Variants in ANKRD36C observed in about 807,000 individuals in gnomAD.
ANKRD36C encodes the protein ankyrin repeat domain-containing protein 36C.
A neutral mutation model predicts 276.4 loss-of-function variants in ANKRD36C; 61 were observed. That is an observed-to-expected ratio of 0.22 (90% CI 0.18 to 0.27). The LOEUF is 0.27. Ranked by LOEUF, ANKRD36C falls within the 10% of genes least tolerant of loss-of-function variation. The pLI is 1.00. For missense variants in ANKRD36C, 1,447 were observed against 2,032.3 expected, an observed-to-expected ratio of 0.71 and a Z score of 5.54; for synonymous variants, 483 against 680.1, an observed-to-expected ratio of 0.71 and a Z score of 4.51.
intron 42 of ANKRD36C, chr2:95,910,382 A>T (rs1558635520): frequency 3.9e-6 from 6 of 1,541,134 alleles, no homozygotes; most frequent in Non-Finnish European, 4.4e-6. Context: ...CCTGTCCTAG[A>T]TTTTTCTCCA....
At chr2:95,980,500 C>T in intron 5 of ANKRD36C, 148 bp downstream of exon 5, 1 of 1,152,146 alleles carries the variant, frequency 8.7e-7, no homozygotes, top group Admixed American at 3.0e-5. Flanking sequence ...AGTTGCACAA[C>T]TCTCGAAAAC....
chr2:95,943,542 T>A (rs1191164172), intron 19 of ANKRD36C, among the ~76,000 whole-genome samples: 3 of 150,738 alleles, frequency 2.0e-5, no homozygotes, highest in Non-Finnish European at 4.4e-5. Context: ...TAAATTAATT[T>A]TTATTATTTT....
At chr2:95,855,300 T>C (rs749607112) in exon 63 of ANKRD36C, 2 of 1,603,048 alleles carry the variant, frequency 1.2e-6, no homozygotes, top group African/African-American at 2.7e-5. Flanking sequence ...ATATTGGCAT[T>C]TTTTTTCTTT....
At chr2:95,962,195 A>G (rs1678477711) in intron 8 of ANKRD36C, among the ~76,000 whole-genome samples, 157 bp downstream of exon 8, 2 of 152,088 alleles carry the variant, frequency 1.3e-5, no homozygotes, top group South Asian at 4.1e-4. Flanking sequence ...AAGGACCAGT[A>G]GCATCGGCGT....
At chr2:95,855,786 A>T (rs1382781374) in exon 63 of ANKRD36C, 1 of 1,613,826 alleles carries the variant, frequency 6.2e-7, no homozygotes, top group African/African-American at 1.3e-5. Context: ...TGTGCCCTGG[A>T]AAGCAAGCTC....
chr2:95,945,794 G>A (rs1315709495), intron 17 of ANKRD36C, among the ~76,000 whole-genome samples: 2 of 152,290 alleles, frequency 1.3e-5, no homozygotes, highest in Non-Finnish European at 2.9e-5. Context: ...CTGTAACTAA[G>A]TATCCTGACA....
At chr2:95,912,611 A>C (rs1676966764) in intron 40 of ANKRD36C, among the ~76,000 whole-genome samples, 176 bp from the exon 43 acceptor site, 1 of 151,400 alleles carries the variant, frequency 6.6e-6, no homozygotes, top group East Asian at 2.0e-4. Context: ...AAAAAAGGGA[A>C]CACAGGCTCC....
exon 49 of ANKRD36C, chr2:95,888,111 T>C: frequency 2.5e-6 from 4 of 1,609,104 alleles, no homozygotes; most frequent in Non-Finnish European, 3.4e-6. Context: ...TGGTTGTTTC[T>C]GAGAAGACAC....
At position 95,919,953 on chromosome 2, in the gene ANKRD36C, A is replaced by G. The variant is rs1471444064; in HGVS notation, c.2245+1654T>C. 1.6e-4 allele frequency: 247 copies of G among 1,532,462 alleles called. 27 individuals carry two copies. The highest frequency in any genetic ancestry group is 1.4e-3 in the African/African-American group (96 of 70,226). 94.9% of individuals were successfully genotyped at this position (1,532,462 alleles called of 1,614,324 possible). A position where few individuals can be genotyped will look rare whatever the true frequency, so the allele number is the denominator to read the frequency against. ...GCAAAAGGGATACATAATCACTCATATATAAATATGATAAAGTTATCCATA... is the reference window on the plus strand; with the variant it reads ...GCAAAAGGGATACATAATCACTCATGTATAAATATGATAAAGTTATCCATA... On this transcript the variant is annotated intron_variant, in intron 34 of 66. Coordinates refer to ENST00000456556, the Ensembl canonical transcript of ANKRD36C.
intron 12 of ANKRD36C, 70 bp from the exon 13 acceptor site, chr2:95,956,886 G>A (rs1426874061): frequency 7.2e-7 from 1 of 1,394,432 alleles, no homozygotes; most frequent in African/African-American, 1.4e-5. Context: ...AAACATAAAA[G>A]AGCACAGTGA....
chr2:95,887,960 G>A, exon 50 of ANKRD36C: 3 of 1,599,050 alleles, frequency 1.9e-6, no homozygotes, highest in Non-Finnish European at 2.6e-6. Flanking sequence ...TATTTCTGTG[G>A]GTATATTCGA....
chr2:95,882,236 T>C lies in ANKRD36C; in HGVS notation c.3367+66A>G, dbSNP rs917371474. 9 of 1,531,108 alleles carry C rather than the reference T, an allele frequency of 5.9e-6. No homozygotes were observed. In the African/African-American group the frequency reaches 9.6e-5, roughly 16 times the overall value. 94.8% of individuals were successfully genotyped at this position (1,531,108 alleles called of 1,614,324 possible). A position where few individuals can be genotyped will look rare whatever the true frequency, so the allele number is the denominator to read the frequency against. On this transcript the variant is annotated intron_variant, in intron 56 of 66. Coordinates refer to ENST00000456556, the Ensembl canonical transcript of ANKRD36C. ...TTTCAATGAGCCCCCTGCTGATCTATTCAGGGGTGGGACATTGTCTTCTAT... is the reference window on the plus strand; with the variant it reads ...TTTCAATGAGCCCCCTGCTGATCTACTCAGGGGTGGGACATTGTCTTCTAT...
intron 54 of ANKRD36C, 79 bp from the exon 75 acceptor site, chr2:95,882,576 C>T: frequency 6.6e-7 from 1 of 1,517,416 alleles, no homozygotes; most frequent in East Asian, 2.5e-5. Context: ...GTGTTAGCAT[C>T]AAGCTGTATC....
At position 95,897,500 on chromosome 2, in the gene ANKRD36C, G is replaced by A. The variant is rs1676588864; in HGVS notation, c.2755+1645C>T. On this transcript the variant is annotated intron_variant, in intron 44 of 66. Coordinates refer to ENST00000456556, the Ensembl canonical transcript of ANKRD36C. The stretch of plus-strand genomic sequence containing the variant: ...AAAAGGGATTCATAATCACTCATAT[G>A]TAAAAATGACAAAATTATCCACATA... 3.3e-6 allele frequency: 5 copies of A among 1,520,452 alleles called. No homozygotes were observed. The African/African-American group carries it at 4.2e-5, about 13-fold the overall frequency. The allele number at this position is 1,520,452 out of a possible 1,614,324, so 94.2% of individuals were successfully genotyped here.
chr2:95,849,120 C>T (rs1675233566), downstream of ANKRD36C, among the ~76,000 whole-genome samples: 1 of 152,028 alleles, frequency 6.6e-6, no homozygotes, highest in Non-Finnish European at 1.5e-5. Flanking sequence ...AGTGCAGTGG[C>T]ATGATCTTGG....
At position 95,852,112 on chromosome 2, in the gene ANKRD36C, G is replaced by C. The variant is rs149229188; in HGVS notation, c.5219+14C>G. 3.7e-6 allele frequency: 6 copies of C among 1,603,456 alleles called. No homozygotes were observed. The highest frequency in any genetic ancestry group is 5.1e-6 in the Non-Finnish European group (6 of 1,173,216). ...AAATACTCAAGTTATTTTGTGTGCT[G>C]CTTCAAATTTTACTTTTGTGCGTCG... On this transcript the variant is annotated intron_variant, in intron 65 of 66. Coordinates refer to ENST00000456556, the Ensembl canonical transcript of ANKRD36C.
At chr2:95,861,033 G>C (rs1183975321) in intron 60 of ANKRD36C, among the ~76,000 whole-genome samples, 1 of 152,096 alleles carries the variant, frequency 6.6e-6, no homozygotes. Context: ...CCATGAGCCA[G>C]GCCAAAATAC....
exon 32 of ANKRD36C, chr2:95,923,542 G>A (rs369682533): frequency 3.7e-6 from 6 of 1,610,840 alleles, no homozygotes; most frequent in African/African-American, 1.3e-5. Flanking sequence ...TATATTCAAA[G>A]CAGAATCTGT....
intron 34 of ANKRD36C, among the ~76,000 whole-genome samples, chr2:95,919,367 G>T (rs1227271926): frequency 2.3e-5 from 3 of 133,118 alleles, no homozygotes; most frequent in African/African-American, 7.6e-5. Context: ...TTAGCAGTAC[G>T]ATGTGACGTC....
Sources: gnomAD v4.1 joint callset for allele counts (sites outside exome capture counted in the v4.1 genomes callset) on GRCh38, gnomAD v4.1.1 for gene constraint, MANE v1.5 for transcripts, NCBI Gene and HGNC (gene_info 2026-07-23, HGNC 2026-07-21) for gene names.